The following UNC80 variants were observed in gnomAD, a reference collection of about 807,000 sequenced individuals.
UNC80 encodes protein unc-80 homolog.
Under a neutral mutation model 384.6 loss-of-function variants are expected in UNC80, and 164 were observed. The ratio of observed to expected loss-of-function variants is 0.43; its 90% CI spans 0.38 to 0.49. The LOEUF (loss-of-function observed/expected upper bound fraction) is 0.49, where lower values mean the gene tolerates loss of function less well. Among genes scored for constraint, UNC80 ranks in the 20% least tolerant of loss-of-function variants. The pLI, the probability that UNC80 is intolerant of heterozygous loss-of-function variation, is 0.00. For synonymous variants in UNC80, 1,486 were observed against 1,527.8 expected (o/e 0.97, Z 0.64); for missense variants, 3,330 against 4,143.0 (o/e 0.80, Z 5.39).
intron 23 of UNC80, among the ~76,000 whole-genome samples, chr2:209,874,881 C>T (rs989876845): frequency 6.6e-6 from 1 of 152,122 alleles, no homozygotes; most frequent in African/African-American, 2.4e-5. Context: ...ACATTGCCAC[C>T]TACAACCCTT....
At chr2:209,869,675 A>G (rs1418626815) in intron 22 of UNC80, among the ~76,000 whole-genome samples, 1 of 152,162 alleles carries the variant, frequency 6.6e-6, no homozygotes, top group Non-Finnish European at 1.5e-5. Flanking sequence ...CTTGATGGAA[A>G]CAGTGACATT....
chr2:209,965,773 G>A (rs192641597), intron 51 of UNC80, among the ~76,000 whole-genome samples: 32 of 151,404 alleles, frequency 2.1e-4, no homozygotes, highest in African/African-American at 7.5e-4. Flanking sequence ...GTATTTTTTC[G>A]TTTTCCTTTT....
intron 61 of UNC80, among the ~76,000 whole-genome samples, chr2:209,989,476 G>C (rs1575242986): frequency 6.6e-6 from 1 of 152,228 alleles, no homozygotes; most frequent in East Asian, 1.9e-4. Flanking sequence ...TTGTCTATTG[G>C]AGTATGATAT....
rs546148168 is a variant in UNC80 at position 209,892,688 on chromosome 2, C to T, written c.4277-1475C>T. On this transcript the variant is annotated intron_variant, in intron 26 of 64. Transcript: ENST00000673920. Reference sequence around the variant, plus strand: ...ATCTGTTTAATATTTTCTGTGCTTCCGAATCTACTTAGACATGAAATTGCA... The same window carrying T: ...ATCTGTTTAATATTTTCTGTGCTTCTGAATCTACTTAGACATGAAATTGCA... 3.9e-5 allele frequency among the ~76,000 whole-genome samples: 6 copies of T among 152,192 alleles called. No individual in the cohort carries two copies. The East Asian group carries it at 5.8e-4, about 15-fold the overall frequency.
Position 209,771,964 on chromosome 2 carries a change from C to T in UNC80, c.-109C>T. The T allele has an allele frequency of 1.3e-6, 1 of 783,026 alleles. No homozygotes were observed. Among genetic ancestry groups the T allele is most frequent in the Non-Finnish European group, 2.2e-6 (1 of 458,146 alleles). 48.5% of individuals were successfully genotyped at this position (783,026 alleles called of 1,614,324 possible). ...ATCAGGGCGGAGAGAGCCGGCTCTG[C>T]CTCGGGGAAGGAGGGGATGAGAGTT... On this transcript the variant is annotated 5_prime_UTR_variant, in exon 1 of 65. Transcript: ENST00000673920.
intron 35 of UNC80, among the ~76,000 whole-genome samples, chr2:209,924,707 C>G (rs1238412468): frequency 1.3e-5 from 2 of 151,950 alleles, no homozygotes; most frequent in Non-Finnish European, 2.9e-5. Flanking sequence ...AGATTTTTGT[C>G]AGCCTCCAGC....
chr2:209,808,551 G>A (rs570738835), intron 7 of UNC80, among the ~76,000 whole-genome samples: 2 of 151,472 alleles, frequency 1.3e-5, no homozygotes, highest in Non-Finnish European at 2.9e-5. Context: ...AAAGTAAGGC[G>A]GGCCCAGGCT....
intron 47 of UNC80, among the ~76,000 whole-genome samples, chr2:209,948,475 C>T (rs1262861235): frequency 1.3e-5 from 2 of 152,108 alleles, no homozygotes; most frequent in Admixed American, 6.5e-5. Flanking sequence ...TGGACATCTC[C>T]TTTTGCAAAG....
At chr2:209,945,792 T>C in intron 46 of UNC80, 55 bp from the exon 47 acceptor site, 1 of 1,252,486 alleles carries the variant, frequency 8.0e-7, no homozygotes, top group Non-Finnish European at 1.1e-6. Flanking sequence ...TAGGTGCTTC[T>C]TTATCTCCTG....
At chr2:209,904,482 T>G (rs2087933177) in intron 28 of UNC80, among the ~76,000 whole-genome samples, 1 of 152,236 alleles carries the variant, frequency 6.6e-6, no homozygotes, top group Non-Finnish European at 1.5e-5. Flanking sequence ...TTGAGAATAT[T>G]TGGAAACCAT....
chr2:209,927,806 T>C (rs1274886605), intron 36 of UNC80, among the ~76,000 whole-genome samples: 2 of 152,076 alleles, frequency 1.3e-5, no homozygotes, highest in South Asian at 2.1e-4. Flanking sequence ...AAGACAATCA[T>C]GAGGGCTGTA....
chr2:209,971,746 A>G (rs903397082), intron 54 of UNC80, among the ~76,000 whole-genome samples: 34 of 152,268 alleles, frequency 2.2e-4, no homozygotes, highest in Admixed American at 1.4e-3. Context: ...TAACTTGCGT[A>G]CAAAGATCAC....
At chr2:209,866,521 CACACACACACACAGAGAG>C (rs2083813759) in intron 22 of UNC80, among the ~76,000 whole-genome samples, 18 of 142,582 alleles carry the variant, frequency 1.3e-4, no homozygotes, top group African/African-American at 4.8e-4. Context: ...CACACACACA[CACACACACACACAGAGAG>C]AGAGAGAGAG....
Position 209,820,654 on chromosome 2 carries a change from A to C in UNC80, c.2306A>C (p.Glu769Ala), listed in dbSNP as rs1331649979. The part of the protein sequence containing the change: ...GGGGGGGGPY[E>A]KNDKNQEKDE... ...GGAGGAGGTGGAGGCGGCCCTTATG[A>C]GAAGAATGATAAGAACCAAGAGAAG... Residue 769 changes from glutamate (E) to alanine (A), a missense_variant, in exon 13 of 65, where the codon GAG becomes GCG. Physicochemically the swap from Glu to Ala is moderately radical, Grantham distance 107. Transcript: ENST00000673920. The C allele has an allele frequency of 6.5e-7, 1 of 1,544,850 alleles. No individual in the cohort carries two copies. Among genetic ancestry groups the C allele is most frequent in the Admixed American group, 2.0e-5 (1 of 50,460 alleles).
intron 36 of UNC80, among the ~76,000 whole-genome samples, chr2:209,927,896 G>T (rs2090560016): frequency 1.3e-5 from 2 of 152,006 alleles, no homozygotes. Flanking sequence ...TAAGCAATTA[G>T]TTAATCATAG....
At chr2:209,935,514 A>G (rs945826328) in intron 39 of UNC80, among the ~76,000 whole-genome samples, 200 bp from the exon 40 acceptor site, 1 of 152,090 alleles carries the variant, frequency 6.6e-6, no homozygotes, top group Non-Finnish European at 1.5e-5. Context: ...ACTTTTAATA[A>G]GTGAATATAT....
chr2:209,955,625 A>G (rs1481068734), intron 48 of UNC80, among the ~76,000 whole-genome samples: 5 of 146,308 alleles, frequency 3.4e-5, no homozygotes, highest in Non-Finnish European at 6.0e-5. Flanking sequence ...TGGTTATGTC[A>G]CTGGCCTTTT....
At chr2:209,875,334 G>A (rs1238594062) in intron 23 of UNC80, among the ~76,000 whole-genome samples, 7 of 152,050 alleles carry the variant, frequency 4.6e-5, no homozygotes, top group African/African-American at 7.2e-5. Flanking sequence ...CCCTCTCCAC[G>A]ACCTTTGCTC....
intron 22 of UNC80, among the ~76,000 whole-genome samples, chr2:209,869,734 T>A (rs183585992): frequency 6.6e-6 from 1 of 152,248 alleles, no homozygotes; most frequent in Admixed American, 6.5e-5. Context: ...ATTCATCAGA[T>A]AATTACCAAC....
Sources: gnomAD v4.1 joint callset for allele counts (sites outside exome capture counted in the v4.1 genomes callset) on GRCh38, gnomAD v4.1.1 for gene constraint, MANE v1.5 for transcripts, NCBI Gene and HGNC (gene_info 2026-07-23, HGNC 2026-07-21) for gene names.